The following ADAMTSL1 variants were observed in gnomAD, a reference collection of about 807,000 sequenced individuals.
The protein encoded by ADAMTSL1 is ADAMTS like 1.
Under a neutral mutation model 201.8 loss-of-function variants are expected in ADAMTSL1, and 126 were observed. The observed-to-expected ratio is 0.62, with a 90% CI of 0.54 to 0.72. The LOEUF is 0.72. Ranked by LOEUF, ADAMTSL1 falls within the 30% of genes least tolerant of loss-of-function variation. The pLI is 0.00. For missense variants in ADAMTSL1, 2,679 were observed against 2,277.8 expected, an observed-to-expected ratio of 1.18 and a Z score of -3.59; for synonymous variants, 1,121 against 903.4, an observed-to-expected ratio of 1.24 and a Z score of -4.32.
At chr9:18,794,922 A>G (rs1285843287) in intron 19 of ADAMTSL1, among the ~76,000 whole-genome samples, 1 of 152,210 alleles carries the variant, frequency 6.6e-6, no homozygotes, top group Non-Finnish European at 1.5e-5. Flanking sequence ...GATTATAGGC[A>G]TGAGCCATGG....
intron 4 of ADAMTSL1, among the ~76,000 whole-genome samples, chr9:18,607,784 G>T (rs1825122369): frequency 6.6e-6 from 1 of 150,620 alleles, no homozygotes; most frequent in Admixed American, 6.6e-5. Flanking sequence ...GTGTCCCTGT[G>T]TTCTCATTGT....
intron 17 of ADAMTSL1, among the ~76,000 whole-genome samples, chr9:18,775,151 A>G (rs1230165083): frequency 6.6e-6 from 1 of 152,110 alleles, no homozygotes; most frequent in African/African-American, 2.4e-5. Flanking sequence ...CATTTTAACA[A>G]TGCATTTGGG....
chr9:18,110,386 C>T (rs1391947447), intron 1 of ADAMTSL1, among the ~76,000 whole-genome samples: 11 of 152,100 alleles, frequency 7.2e-5, no homozygotes, highest in African/African-American at 2.7e-4. Context: ...AAGTGCAAGA[C>T]TAGGCAGGTT....
At chr9:18,352,231 A>G (rs1289433525) in intron 2 of ADAMTSL1, among the ~76,000 whole-genome samples, 1 of 152,208 alleles carries the variant, frequency 6.6e-6, no homozygotes, top group African/African-American at 2.4e-5. Flanking sequence ...ATCTCTTAAC[A>G]TTGTAAGAAG....
At chr9:18,583,850 C>G (rs1304923804) in intron 4 of ADAMTSL1, among the ~76,000 whole-genome samples, 3 of 152,244 alleles carry the variant, frequency 2.0e-5, no homozygotes, top group South Asian at 2.1e-4. Context: ...CCTGTAGTCC[C>G]TTTGTTTTGG....
intron 1 of ADAMTSL1, among the ~76,000 whole-genome samples, chr9:17,933,953 G>T (rs1826902157): frequency 6.6e-6 from 1 of 152,078 alleles, no homozygotes; most frequent in Non-Finnish European, 1.5e-5. Flanking sequence ...TGGGCTGTTT[G>T]GTTCAAATCA....
At chr9:18,556,096 G>A (rs1471234255) in intron 3 of ADAMTSL1, among the ~76,000 whole-genome samples, 1 of 151,954 alleles carries the variant, frequency 6.6e-6, no homozygotes, top group Non-Finnish European at 1.5e-5. Flanking sequence ...AAACAGAATT[G>A]ACATTCTTTT....
rs1831122652 is a variant in ADAMTSL1 at position 18,690,115 on chromosome 9, C to T, written c.1574+5315C>T. On this transcript the variant is annotated intron_variant, in intron 13 of 28. Transcript: ENST00000380548. ...ATAAGAAGCAAAGGGAAATTCCTGT[C>T]ATGCATCTGTGAACAGAACCCAGAA... Among the ~76,000 whole-genome samples, 4 of 152,180 alleles carry T rather than the reference C, an allele frequency of 2.6e-5. No homozygotes were observed. The South Asian group carries it at 8.3e-4, about 32-fold the overall frequency.
At chr9:18,095,689 G>A (rs1824221038) in intron 1 of ADAMTSL1, among the ~76,000 whole-genome samples, 1 of 152,112 alleles carries the variant, frequency 6.6e-6, no homozygotes, top group South Asian at 2.1e-4. Flanking sequence ...CTCCCAAAGT[G>A]CTGGGATTAC....
intron 3 of ADAMTSL1, among the ~76,000 whole-genome samples, chr9:18,564,317 G>C (rs73644244): frequency 0.031 from 4,787 of 152,178 alleles, 93 homozygotes; most frequent in African/African-American, 0.045. Context: ...CACCCTGCTT[G>C]GGCTCACCCT....
Position 18,095,416 on chromosome 9 carries a change from C to CTTTTTTTTTTT in ADAMTSL1, c.88-68432_88-68422dup, listed in dbSNP as rs35164794. ...TCCCTGATAAGTTTCTTCTTTCTTTCTTTTTTTTTTTTTTTTTTTTTTTTG... is the reference window on the plus strand; with the variant it reads ...TCCCTGATAAGTTTCTTCTTTCTTTCTTTTTTTTTTTTTTTTTTTTTTTTTTTTTTTTTTTG... On this transcript the variant is annotated intron_variant, in intron 1 of 29. Transcript: ENST00000680146. Among the ~76,000 whole-genome samples, 291 of 100,086 alleles carry CTTTTTTTTTTT rather than the reference C, an allele frequency of 2.9e-3. 2 individuals carry two copies. The highest frequency in any genetic ancestry group is 7.1e-3 in the Middle Eastern group (1 of 140). The allele number at this position is 100,086 out of a possible 152,430, so 65.7% of individuals were successfully genotyped here.
chr9:18,536,909 T>G (rs1819808088), intron 3 of ADAMTSL1, among the ~76,000 whole-genome samples: 1 of 149,734 alleles, frequency 6.7e-6, no homozygotes, highest in Non-Finnish European at 1.5e-5. Flanking sequence ...TCCAATGTGT[T>G]TAGAGTACTT....
chr9:17,934,233 T>C (rs1826912798), intron 1 of ADAMTSL1, among the ~76,000 whole-genome samples: 1 of 152,170 alleles, frequency 6.6e-6, no homozygotes, highest in South Asian at 2.1e-4. Flanking sequence ...AATAAGGTAA[T>C]TCCCCCATAA....
intron 1 of ADAMTSL1, among the ~76,000 whole-genome samples, chr9:17,907,254 C>T (rs904835108): frequency 2.3e-4 from 35 of 152,298 alleles, no homozygotes; most frequent in African/African-American, 8.4e-4. Context: ...CAACAGTCCT[C>T]TACCCCCCAC....
intron 2 of ADAMTSL1, among the ~76,000 whole-genome samples, chr9:18,182,326 C>T (rs1037588517): frequency 6.7e-6 from 1 of 150,328 alleles, no homozygotes; most frequent in Non-Finnish European, 1.5e-5. Context: ...GTCATGATTA[C>T]ACAATATACT....
intron 2 of ADAMTSL1, among the ~76,000 whole-genome samples, chr9:18,410,691 T>A (rs1194894525): frequency 6.6e-6 from 1 of 152,192 alleles, no homozygotes; most frequent in African/African-American, 2.4e-5. Context: ...AACATATACA[T>A]GTATTAATAT....
At chr9:18,350,099 G>C (rs1835900653) in intron 2 of ADAMTSL1, among the ~76,000 whole-genome samples, 1 of 151,894 alleles carries the variant, frequency 6.6e-6, no homozygotes, top group East Asian at 1.9e-4. Context: ...ATCTGAAAAG[G>C]GGTTTAACTA....
intron 3 of ADAMTSL1, among the ~76,000 whole-genome samples, chr9:18,558,556 C>T (rs111641078): frequency 0.017 from 2,654 of 152,256 alleles, 79 homozygotes; most frequent in African/African-American, 0.06. Context: ...GATGGTATTT[C>T]TGGTTCTAGA....
intron 2 of ADAMTSL1, among the ~76,000 whole-genome samples, chr9:18,355,417 A>C (rs571118605): frequency 6.6e-6 from 1 of 152,314 alleles, no homozygotes; most frequent in African/African-American, 2.4e-5. Flanking sequence ...AAGCTGACTC[A>C]AAGATTGGAG....
Sources: allele counts gnomAD v4.1 joint callset (sites outside exome capture counted in the v4.1 genomes callset), GRCh38; gene constraint gnomAD v4.1.1; transcripts MANE v1.5; gene names NCBI Gene and HGNC (gene_info 2026-07-23, HGNC 2026-07-21).